The following TASP1 variants were observed in gnomAD, a reference collection of about 807,000 sequenced individuals.
TASP1 encodes taspase 1, also known as threonine aspartase 1.
Under a neutral mutation model 56.6 loss-of-function variants are expected in TASP1, and 16 were observed. That is an observed-to-expected ratio of 0.28 (90% CI 0.19 to 0.43). The LOEUF (loss-of-function observed/expected upper bound fraction) is 0.43. Among genes scored for constraint, TASP1 ranks in the 20% least tolerant of loss-of-function variants. The pLI is 1.00. For synonymous variants in TASP1, 179 were observed against 184.2 expected (o/e 0.97, Z 0.23); for missense variants, 393 against 511.6 (o/e 0.77, Z 2.24).
chr20:13,141,912 C>A, the TASP1 span, among the ~76,000 whole-genome samples: 1 of 152,172 alleles, frequency 6.6e-6, no homozygotes, highest in African/African-American at 2.4e-5. Flanking sequence ...GGTTAGCAAT[C>A]AAGGTGACAG....
chr20:13,177,028 T>C, the TASP1 span, among the ~76,000 whole-genome samples: 1 of 151,930 alleles, frequency 6.6e-6, no homozygotes, highest in Non-Finnish European at 1.5e-5. Flanking sequence ...TCACTTGAGG[T>C]CAGGAATTTG....
downstream of TASP1, among the ~76,000 whole-genome samples, chr20:13,385,331 T>C (rs1386473762): frequency 2.0e-5 from 3 of 152,240 alleles, no homozygotes; most frequent in Non-Finnish European, 4.4e-5. Flanking sequence ...TACTTCACCA[T>C]ATCCTTAAAA....
intron 11 of TASP1, among the ~76,000 whole-genome samples, chr20:13,438,373 TTGACAAACC>T (rs1278398300): frequency 2.0e-5 from 3 of 152,192 alleles, no homozygotes; most frequent in Admixed American, 6.5e-5. Context: ...CATCTGATCT[TTGACAAACC>T]TGACAAAAAC....
chr20:13,330,860 T>C, the TASP1 span, among the ~76,000 whole-genome samples: 2 of 152,196 alleles, frequency 1.3e-5, no homozygotes, highest in Non-Finnish European at 2.9e-5. Context: ...TATCTTTTAT[T>C]CCTGACATTA....
chr20:13,560,614 GGT>G (rs1435523795), intron 7 of TASP1, among the ~76,000 whole-genome samples: 1 of 152,020 alleles, frequency 6.6e-6, no homozygotes, highest in Non-Finnish European at 1.5e-5. Context: ...ACCGACAGAA[GGT>G]GGGGGGAAAA....
At chr20:13,288,751 A>T in the TASP1 span, 1 of 1,456,270 alleles carries the variant, frequency 6.9e-7, no homozygotes, top group East Asian at 2.3e-5. Flanking sequence ...TTAAAAACTT[A>T]GTGACATTGT....
chr20:13,405,997 G>A (rs2041905139), intron 13 of TASP1, among the ~76,000 whole-genome samples: 1 of 152,152 alleles, frequency 6.6e-6, no homozygotes, highest in Admixed American at 6.5e-5. Context: ...AGAGCTGGAC[G>A]GTATTCCTGC....
At chr20:13,277,959 T>C in the TASP1 span, among the ~76,000 whole-genome samples, 43,118 of 151,942 alleles carry the variant, frequency 0.28, 8,151 homozygotes, top group African/African-American at 0.51. Context: ...AAGGAAGGGG[T>C]TATTTGTCTC....
the TASP1 span, among the ~76,000 whole-genome samples, chr20:13,274,330 G>A: frequency 6.6e-6 from 1 of 152,156 alleles, no homozygotes; most frequent in African/African-American, 2.4e-5. Context: ...GCTGGTCCCT[G>A]ACGGTCCCTG....
At chr20:13,344,245 C>T in the TASP1 span, among the ~76,000 whole-genome samples, 7 of 152,060 alleles carry the variant, frequency 4.6e-5, no homozygotes, top group Non-Finnish European at 7.4e-5. Flanking sequence ...GTCTTAGGGA[C>T]GACCTCAAGA....
At chr20:13,233,502 G>A in the TASP1 span, among the ~76,000 whole-genome samples, 8 of 151,450 alleles carry the variant, frequency 5.3e-5, no homozygotes, top group Admixed American at 5.3e-4. Flanking sequence ...GGCTGAGGCA[G>A]GAAAATTGCT....
At chr20:13,308,896 CCATGTAAG>C in the TASP1 span, among the ~76,000 whole-genome samples, 1 of 152,166 alleles carries the variant, frequency 6.6e-6, no homozygotes, top group Non-Finnish European at 1.5e-5. Flanking sequence ...CCTCTTTCCA[CCATGTAAG>C]CACAAAATGA....
the TASP1 span, among the ~76,000 whole-genome samples, chr20:13,208,634 T>A: frequency 6.6e-6 from 1 of 152,206 alleles, no homozygotes; most frequent in East Asian, 1.9e-4. Context: ...TCCTACAACA[T>A]CTGAGTATAG....
At chr20:13,221,732 C>CCGCCGGCCGCCG in the TASP1 span, 5 of 1,345,266 alleles carry the variant, frequency 3.7e-6, no homozygotes, top group Middle Eastern at 2.8e-4. Flanking sequence ...ACCGCCGCCG[C>CCGCCGGCCGCCG]CGCCGGCCGC....
chr20:13,442,299 C>T (rs985729806), intron 11 of TASP1, among the ~76,000 whole-genome samples: 1 of 149,044 alleles, frequency 6.7e-6, no homozygotes, highest in African/African-American at 2.4e-5. Flanking sequence ...CACAGACACA[C>T]ACACACACAC....
At chr20:13,241,180 A>G in the TASP1 span, among the ~76,000 whole-genome samples, 1 of 152,186 alleles carries the variant, frequency 6.6e-6, no homozygotes, top group African/African-American at 2.4e-5. Context: ...GAGGTCACCA[A>G]CTGCTCTGCA....
intron 4 of TASP1, among the ~76,000 whole-genome samples, chr20:13,598,936 A>T (rs1053606539): frequency 1.5e-4 from 23 of 152,240 alleles, no homozygotes; most frequent in Admixed American, 2.0e-4. Flanking sequence ...AATGCTCATC[A>T]TCACTGCTCA....
rs186507738 is a variant in TASP1, at chr20:13,606,721, G to A, written c.282+16725C>T. On this transcript the variant is annotated intron_variant, in intron 4 of 13. Coordinates refer to ENST00000337743, the MANE Select transcript of TASP1 (RefSeq NM_017714.3). Reference sequence around the variant, plus strand: ...ACTCGGGAGGCTAAGGCAGTAGAATGGCGTGAACCCAGGAGGCGGAGCTTG... The same window carrying A: ...ACTCGGGAGGCTAAGGCAGTAGAATAGCGTGAACCCAGGAGGCGGAGCTTG... Among the ~76,000 whole-genome samples, 1,396 of 151,802 alleles carry A rather than the reference G, an allele frequency of 9.2e-3. 87 individuals are homozygous for A. The highest frequency in any genetic ancestry group is 0.084 in the Admixed American group (1,276 of 15,246).
chr20:13,123,525 C>T, the TASP1 span, among the ~76,000 whole-genome samples: 1 of 152,118 alleles, frequency 6.6e-6, no homozygotes, highest in Non-Finnish European at 1.5e-5. Context: ...GGTCACACGG[C>T]AGTAAGTGGC....
Sources: allele counts gnomAD v4.1 joint callset (sites outside exome capture counted in the v4.1 genomes callset), GRCh38; gene constraint gnomAD v4.1.1; transcripts MANE v1.5; gene names NCBI Gene and HGNC (gene_info 2026-07-23, HGNC 2026-07-21).